ERBB4: variants seen among roughly 807,000 people sequenced by gnomAD.
ERBB4 encodes receptor tyrosine-protein kinase erbB-4.
A neutral mutation model predicts 158.0 loss-of-function variants in ERBB4; 42 were observed. That is an observed-to-expected ratio of 0.27 (90% CI 0.21 to 0.34). ERBB4 has a LOEUF of 0.34. ERBB4 is among the 10% of genes least tolerant of loss of function. ERBB4 has a pLI of 1.00. For missense variants in ERBB4, 1,333 were observed against 1,624.1 expected, an observed-to-expected ratio of 0.82 and a Z score of 3.08; for synonymous variants, 583 against 558.7, an observed-to-expected ratio of 1.04 and a Z score of -0.61.
chr2:211,920,467 C>T (rs1375138873), intron 3 of ERBB4, among the ~76,000 whole-genome samples: 3 of 151,886 alleles, frequency 2.0e-5, no homozygotes, highest in Non-Finnish European at 2.9e-5. Flanking sequence ...TTACTCTGAG[C>T]TGTTTATTAC....
intron 20 of ERBB4, among the ~76,000 whole-genome samples, chr2:211,511,323 G>A (rs1413605095): frequency 6.6e-6 from 1 of 151,886 alleles, no homozygotes; most frequent in Non-Finnish European, 1.5e-5. Context: ...TGATTTGACA[G>A]CAATGTCAAA....
chr2:212,463,647 A>T (rs1341018620), intron 1 of ERBB4, among the ~76,000 whole-genome samples: 2 of 152,102 alleles, frequency 1.3e-5, no homozygotes, highest in African/African-American at 4.8e-5. Context: ...ATTATTCTGC[A>T]TTAGTGTTCT....
intron 3 of ERBB4, among the ~76,000 whole-genome samples, chr2:211,903,046 AG>A (rs2079279975): frequency 6.6e-6 from 1 of 152,020 alleles, no homozygotes; most frequent in African/African-American, 2.4e-5. Context: ...TCTCATATAT[AG>A]CTCTTCTATT....
intron 7 of ERBB4, 31 bp downstream of exon 7, chr2:211,722,362 T>C (rs1393882252): frequency 6.4e-7 from 1 of 1,564,042 alleles, no homozygotes; most frequent in Admixed American, 1.7e-5. Context: ...AATGACCTAA[T>C]TAATTTGGTT....
intron 1 of ERBB4, among the ~76,000 whole-genome samples, chr2:212,521,976 T>C (rs567997288): frequency 6.6e-6 from 1 of 151,966 alleles, no homozygotes; most frequent in Non-Finnish European, 1.5e-5. Flanking sequence ...TTTGATATAT[T>C]CACAAATATT....
At chr2:211,760,289 G>A (rs891602300) in intron 4 of ERBB4, among the ~76,000 whole-genome samples, 5 of 152,160 alleles carry the variant, frequency 3.3e-5, no homozygotes, top group East Asian at 1.9e-4. Flanking sequence ...CTGGATTGAC[G>A]TCCTAGCTCC....
intron 2 of ERBB4, among the ~76,000 whole-genome samples, chr2:211,980,426 C>A (rs1314180397): frequency 6.6e-6 from 1 of 152,084 alleles, no homozygotes; most frequent in Admixed American, 6.5e-5. Context: ...TGAATCTTTT[C>A]TTGTCAAACT....
chr2:212,058,858 G>A (rs776032096), intron 2 of ERBB4, among the ~76,000 whole-genome samples: 9 of 152,106 alleles, frequency 5.9e-5, no homozygotes, highest in Non-Finnish European at 1.3e-4. Context: ...AAAACTGGAA[G>A]CATTCCCTTT....
At chr2:212,374,047 T>TATATATATATATCCATATATATCC (rs1560148074) in intron 1 of ERBB4, among the ~76,000 whole-genome samples, 1 of 106,234 alleles carries the variant, frequency 9.4e-6, no homozygotes, top group African/African-American at 3.3e-5. Context: ...TATATATCCA[T>TATATATATATATCCATATATATCC]ATATATATAT....
intron 12 of ERBB4, among the ~76,000 whole-genome samples, chr2:211,687,994 AAG>A (rs1217119430): frequency 6.6e-6 from 1 of 152,154 alleles, no homozygotes; most frequent in Non-Finnish European, 1.5e-5. Flanking sequence ...CATCTATTCT[AAG>A]GATCTTAAAA....
chr2:212,232,490 C>A (rs559894677), intron 1 of ERBB4, among the ~76,000 whole-genome samples: 2 of 152,258 alleles, frequency 1.3e-5, no homozygotes, highest in East Asian at 3.9e-4. Flanking sequence ...CTCACCACAA[C>A]CTCTGTCTCC....
intron 19 of ERBB4, among the ~76,000 whole-genome samples, chr2:211,617,206 A>G (rs779008841): frequency 6.6e-5 from 10 of 152,080 alleles, no homozygotes; most frequent in Non-Finnish European, 1.2e-4. Context: ...CCTCCAGCAG[A>G]GATTATTAGC....
At chr2:211,533,922 G>C (rs948388471) in intron 20 of ERBB4, among the ~76,000 whole-genome samples, 2 of 152,026 alleles carry the variant, frequency 1.3e-5, no homozygotes, top group African/African-American at 4.8e-5. Flanking sequence ...GCTTACTGAA[G>C]AGTAGAAAGT....
intron 1 of ERBB4, among the ~76,000 whole-genome samples, chr2:212,206,254 A>G (rs1309007410): frequency 6.6e-6 from 1 of 152,160 alleles, no homozygotes; most frequent in African/African-American, 2.4e-5. Context: ...GGAGGGTGCT[A>G]CTTAGAGGCA....
chr2:212,176,759 A>T (rs766472797), intron 1 of ERBB4, among the ~76,000 whole-genome samples: 1 of 151,834 alleles, frequency 6.6e-6, no homozygotes, highest in African/African-American at 2.4e-5. Flanking sequence ...ATCTCCTTTT[A>T]TAATGTGTAT....
chr2:212,446,738 A>G (rs2092365308), intron 1 of ERBB4, among the ~76,000 whole-genome samples: 1 of 148,122 alleles, frequency 6.8e-6, no homozygotes, highest in Admixed American at 6.8e-5. Flanking sequence ...AATTCAGCAT[A>G]TTTAGGCTCC....
At chr2:211,715,168 A>G (rs2073851659) in intron 7 of ERBB4, among the ~76,000 whole-genome samples, 1 of 152,196 alleles carries the variant, frequency 6.6e-6, no homozygotes, top group South Asian at 2.1e-4. Flanking sequence ...AATATATATG[A>G]AGTAATGAGC....
chr2:212,095,894 T>C (rs1240398587), intron 2 of ERBB4, among the ~76,000 whole-genome samples: 2 of 138,212 alleles, frequency 1.4e-5, no homozygotes, highest in African/African-American at 2.7e-5. Context: ...GAGATGGTGC[T>C]ACTGCACTCC....
chr2:212,106,694 CAGGCCTGG>C (rs1388911721), intron 2 of ERBB4, among the ~76,000 whole-genome samples: 3 of 152,242 alleles, frequency 2.0e-5, no homozygotes, highest in African/African-American at 7.2e-5. Flanking sequence ...CCTCCCATCA[CAGGCCTGG>C]AGGCCTAGGA....
Sources: gnomAD v4.1 joint callset for allele counts (sites outside exome capture counted in the v4.1 genomes callset) on GRCh38, gnomAD v4.1.1 for gene constraint, MANE v1.5 for transcripts, NCBI Gene and HGNC (gene_info 2026-07-23, HGNC 2026-07-21) for gene names.